SLX4IP: variants seen among roughly 807,000 people sequenced by gnomAD.
SLX4IP encodes the protein SLX4 interacting protein.
In SLX4IP, 34 loss-of-function variants were observed where a neutral mutation model predicts 32.9. That is an observed-to-expected ratio of 1.03 (90% CI 0.79 to 1.38). The LOEUF is 1.38. Ranked by LOEUF, SLX4IP falls within the 40% of genes most tolerant of loss-of-function variation. The probability of loss-of-function intolerance (pLI) is 0.00; values close to 1 mark genes in which losing one functional copy is unlikely to be tolerated. For synonymous variants in SLX4IP, 172 were observed against 171.7 expected (o/e 1.00, Z -0.01); for missense variants, 444 against 479.0 (o/e 0.93, Z 0.68).
At chr20:10,447,592 G>A (rs1568685032) in intron 1 of SLX4IP, among the ~76,000 whole-genome samples, 2 of 151,968 alleles carry the variant, frequency 1.3e-5, no homozygotes, top group East Asian at 1.9e-4. Context: ...TTACATTTTT[G>A]TAGATGCTTT....
chr20:10,469,944 A>G (rs2065410909), intron 2 of SLX4IP, among the ~76,000 whole-genome samples: 1 of 152,308 alleles, frequency 6.6e-6, no homozygotes, highest in Middle Eastern at 3.4e-3. Flanking sequence ...ACACCGAGGG[A>G]AGACAGTCCC....
chr20:10,601,876 A>G, intron 6 of SLX4IP, 57 bp downstream of exon 6: 1 of 1,447,334 alleles, frequency 6.9e-7, no homozygotes, highest in South Asian at 1.2e-5. Context: ...GAGTTACTGT[A>G]AAAAATAGAA....
intron 2 of SLX4IP, among the ~76,000 whole-genome samples, chr20:10,530,682 A>C (rs1195368846): frequency 1.3e-5 from 2 of 152,246 alleles, no homozygotes; most frequent in Non-Finnish European, 2.9e-5. Flanking sequence ...CATAGGCTTT[A>C]GTATAGAGGC....
intron 4 of SLX4IP, among the ~76,000 whole-genome samples, chr20:10,561,372 C>T (rs1235697771): frequency 6.6e-6 from 1 of 151,746 alleles, no homozygotes; most frequent in Non-Finnish European, 1.5e-5. Context: ...TCTTCCTATC[C>T]TTCCCTTCCC....
At chr20:10,596,362 A>G (rs1212482176) in intron 4 of SLX4IP, among the ~76,000 whole-genome samples, 1 of 152,116 alleles carries the variant, frequency 6.6e-6, no homozygotes, top group African/African-American at 2.4e-5. Context: ...AGCTGGGACT[A>G]CAGGCGTGTA....
chr20:10,563,565 T>G (rs2122505475), intron 4 of SLX4IP, among the ~76,000 whole-genome samples: 1 of 152,278 alleles, frequency 6.6e-6, no homozygotes, highest in South Asian at 2.1e-4. Flanking sequence ...TTTAATTCAT[T>G]TTGAGTTGAT....
intron 2 of SLX4IP, among the ~76,000 whole-genome samples, chr20:10,525,648 T>G (rs1467475872): frequency 6.6e-6 from 1 of 152,224 alleles, no homozygotes; most frequent in Non-Finnish European, 1.5e-5. Flanking sequence ...CCTCCAGAAT[T>G]ATTCAAATGA....
At chr20:10,607,600 G>T (rs1276302930) in intron 6 of SLX4IP, among the ~76,000 whole-genome samples, 2 of 152,216 alleles carry the variant, frequency 1.3e-5, no homozygotes, top group East Asian at 3.9e-4. Context: ...ATAGATTAGG[G>T]CCACACCCTC....
At chr20:10,594,147 A>G (rs1208267351) in intron 4 of SLX4IP, among the ~76,000 whole-genome samples, 1 of 152,230 alleles carries the variant, frequency 6.6e-6, no homozygotes, top group Non-Finnish European at 1.5e-5. Context: ...TATTGAATCT[A>G]GATGGTGGGT....
chr20:10,569,990 C>G (rs1386566259), intron 4 of SLX4IP, among the ~76,000 whole-genome samples: 1 of 152,156 alleles, frequency 6.6e-6, no homozygotes, highest in Non-Finnish European at 1.5e-5. Flanking sequence ...CACAGCTCAC[C>G]CCATAACATA....
chr20:10,490,004 C>CA (rs1457448827), intron 2 of SLX4IP, among the ~76,000 whole-genome samples: 12 of 151,806 alleles, frequency 7.9e-5, no homozygotes, highest in Non-Finnish European at 1.8e-4. Context: ...AGGGAAGGGC[C>CA]AAAAAAGTTC....
At chr20:10,474,495 C>T (rs146858364) in intron 2 of SLX4IP, among the ~76,000 whole-genome samples, 2 of 152,174 alleles carry the variant, frequency 1.3e-5, no homozygotes, top group Admixed American at 6.5e-5. Flanking sequence ...CTTTCCTAGA[C>T]CCCCTTCCCT....
chr20:10,543,154 A>G (rs2066126239), intron 2 of SLX4IP, among the ~76,000 whole-genome samples: 1 of 152,168 alleles, frequency 6.6e-6, no homozygotes, highest in Admixed American at 6.5e-5. Context: ...AGCTCCTACC[A>G]TGTGCCAGGC....
chr20:10,493,419 T>G (rs947570222), intron 2 of SLX4IP, among the ~76,000 whole-genome samples: 18 of 152,234 alleles, frequency 1.2e-4, no homozygotes, highest in African/African-American at 3.9e-4. Context: ...GGACAATTAT[T>G]CATTTTTTAG....
chr20:10,474,987 A>G (rs912710897), intron 2 of SLX4IP, among the ~76,000 whole-genome samples: 1 of 152,164 alleles, frequency 6.6e-6, no homozygotes, highest in Non-Finnish European at 1.5e-5. Context: ...AACACTCCTT[A>G]TCCTCTGTCT....
intron 2 of SLX4IP, among the ~76,000 whole-genome samples, chr20:10,532,578 C>T (rs1015547233): frequency 6.6e-6 from 1 of 152,076 alleles, no homozygotes; most frequent in Non-Finnish European, 1.5e-5. Context: ...CAACCCATCT[C>T]TAGTCCTCAC....
intron 2 of SLX4IP, among the ~76,000 whole-genome samples, chr20:10,515,771 G>T (rs972740697): frequency 6.6e-6 from 1 of 152,156 alleles, no homozygotes; most frequent in African/African-American, 2.4e-5. Context: ...TATTTGTATG[G>T]TTGGTATCAG....
intron 6 of SLX4IP, chr20:10,614,203 G>A (rs1483692054): frequency 4.1e-5 from 28 of 681,232 alleles, no homozygotes; most frequent in Non-Finnish European, 6.9e-5. Context: ...ATTTGGGGTT[G>A]AATGTAACAG....
At chr20:10,562,927 C>A (rs1307126729) in intron 4 of SLX4IP, among the ~76,000 whole-genome samples, 1 of 152,104 alleles carries the variant, frequency 6.6e-6, no homozygotes, top group Non-Finnish European at 1.5e-5. Context: ...GTTAAAATAC[C>A]TAGTAGGGAG....
Sources: gnomAD v4.1 joint callset for allele counts (sites outside exome capture counted in the v4.1 genomes callset) on GRCh38, gnomAD v4.1.1 for gene constraint, MANE v1.5 for transcripts, NCBI Gene and HGNC (gene_info 2026-07-23, HGNC 2026-07-21) for gene names.